Variants in ZHX2 observed in about 807,000 individuals in gnomAD.
ZHX2 encodes the protein zinc fingers and homeoboxes 2.
A neutral mutation model predicts 21.9 loss-of-function variants in ZHX2; 6 were observed. That is an observed-to-expected ratio of 0.27 (90% CI 0.15 to 0.54). ZHX2 has a LOEUF of 0.54. Among genes scored for constraint, ZHX2 ranks in the 20% least tolerant of loss-of-function variants. ZHX2 has a pLI of 0.95. For missense variants in ZHX2, 908 were observed against 1,090.7 expected (o/e 0.83, Z 2.36); for synonymous variants, 434 against 437.1 (o/e 0.99, Z 0.09).
intron 2 of ZHX2, among the ~76,000 whole-genome samples, chr8:122,934,411 G>A (rs939905711): frequency 3.9e-5 from 6 of 152,264 alleles, no homozygotes; most frequent in African/African-American, 7.2e-5. Flanking sequence ...GGCCACAAAC[G>A]CCTTGTAACA....
intron 2 of ZHX2, among the ~76,000 whole-genome samples, chr8:122,895,676 G>A (rs1820081959): frequency 6.6e-6 from 1 of 151,780 alleles, no homozygotes; most frequent in Non-Finnish European, 1.5e-5. Context: ...GGACAACAAG[G>A]TAGATGTCAT....
chr8:122,876,717 C>T (rs936028615), intron 2 of ZHX2, among the ~76,000 whole-genome samples: 1 of 152,214 alleles, frequency 6.6e-6, no homozygotes. Context: ...TTCACCCCTG[C>T]TCGCCTGAGG....
Position 122,881,845 on chromosome 8 carries a change from G to A in ZHX2, c.-220+18306G>A, listed in dbSNP as rs568263925. Among the ~76,000 whole-genome samples the A allele has an allele frequency of 3.3e-5, 5 of 152,196 alleles. No individual in the cohort carries two copies. The East Asian group carries it at 7.7e-4, about 24-fold the overall frequency. On this transcript the variant is annotated intron_variant, in intron 2 of 3. Transcript: ENST00000314393. ...TTCCATCCCTAAATCAAGCCACTGC[G>A]CGACTCTCACTATCCAAAAGTACCT...
rs113444944 is a variant in ZHX2, at chr8:122,952,573, A to G, written c.1063A>G (p.Thr355Ala). The G allele has an allele frequency of 1.1e-4, 185 of 1,614,040 alleles. 1 individual carries two copies. The African/African-American group carries it at 1.9e-3, about 17-fold the overall frequency. Residue 355 changes from threonine to alanine, a missense_variant, in exon 3 of 4, where the codon ACA (threonine) becomes GCA (alanine). Physicochemically the swap from Thr to Ala is moderately conservative, Grantham distance 58. Coordinates refer to ENST00000314393, the MANE Select transcript of ZHX2 (RefSeq NM_014943.5). This position sits in a 1 kb window ranked among gnomAD's most constrained non-coding sequence, Gnocchi z 6.9. ...ITVLPAQLAP[T>A]KVTQPILQTA... ...TGTGCTGCCCGCCCAGTTGGCCCCC[A>G]CAAAGGTGACGCAGCCCATCCTCCA...
At chr8:122,945,800 A>G (rs1812961653) in intron 2 of ZHX2, among the ~76,000 whole-genome samples, 1 of 152,214 alleles carries the variant, frequency 6.6e-6, no homozygotes, top group Admixed American at 6.5e-5. Flanking sequence ...TCCTGAGGGC[A>G]GGGATGTTTC....
At chr8:122,887,926 C>T (rs1391588605) in intron 2 of ZHX2, among the ~76,000 whole-genome samples, 1 of 152,168 alleles carries the variant, frequency 6.6e-6, no homozygotes, top group Non-Finnish European at 1.5e-5. Flanking sequence ...CAGCATGACC[C>T]AGGCTGACCA....
chr8:122,851,943 AGGACAGCG>A (rs1403629446), intron 1 of ZHX2, among the ~76,000 whole-genome samples: 1 of 152,258 alleles, frequency 6.6e-6, no homozygotes, highest in African/African-American at 2.4e-5. Flanking sequence ...AAGTACCAGA[AGGACAGCG>A]GCCGTGCTTG....
chr8:122,815,251 C>G (rs909087023), intron 1 of ZHX2, among the ~76,000 whole-genome samples: 1 of 152,200 alleles, frequency 6.6e-6, no homozygotes, highest in Admixed American at 6.5e-5. Context: ...ACAATAGGCA[C>G]AGTGCCTAGA....
intron 2 of ZHX2, among the ~76,000 whole-genome samples, chr8:122,888,951 A>T (rs1186499704): frequency 6.6e-6 from 1 of 152,164 alleles, no homozygotes; most frequent in Non-Finnish European, 1.5e-5. Flanking sequence ...CTTGTATGAG[A>T]TGAACTTTAT....
intron 2 of ZHX2, among the ~76,000 whole-genome samples, chr8:122,900,595 G>A (rs1820205010): frequency 6.6e-6 from 1 of 152,118 alleles, no homozygotes; most frequent in Non-Finnish European, 1.5e-5. Flanking sequence ...CCTCACACGT[G>A]GGTTCTGATA....
chr8:122,937,700 C>A (rs1416663234), intron 2 of ZHX2, among the ~76,000 whole-genome samples: 1 of 151,662 alleles, frequency 6.6e-6, no homozygotes, highest in Admixed American at 6.6e-5. Context: ...CCGCCTCAGC[C>A]TCCTGAGTAG....
At chr8:122,927,575 C>T (rs1367655949) in intron 2 of ZHX2, among the ~76,000 whole-genome samples, 1 of 152,102 alleles carries the variant, frequency 6.6e-6, no homozygotes, top group Admixed American at 6.5e-5. Context: ...CTGGGGAGAC[C>T]TCACAATCAT....
intron 1 of ZHX2, among the ~76,000 whole-genome samples, chr8:122,797,555 T>C (rs188877403): frequency 1.3e-5 from 2 of 152,290 alleles, no homozygotes; most frequent in Admixed American, 1.3e-4. Context: ...TGAACAGGAT[T>C]CCTGAATCCA....
intron 3 of ZHX2, among the ~76,000 whole-genome samples, chr8:122,964,678 TCCTTTTTTATCTTTTGCAA>T (rs1813534790): frequency 6.6e-6 from 1 of 151,532 alleles, no homozygotes; most frequent in African/African-American, 2.4e-5. Context: ...TAGGGAGGAT[TCCTTTTTTATCTTTTGCAA>T]TAGTTTCAGT....
chr8:122,823,728 A>G (rs181363712), intron 1 of ZHX2, among the ~76,000 whole-genome samples: 1 of 152,196 alleles, frequency 6.6e-6, no homozygotes, highest in Admixed American at 6.5e-5. Flanking sequence ...TGCATATTAG[A>G]TCTCTGCTCA....
chr8:122,920,704 C>T (rs573916295), intron 2 of ZHX2, among the ~76,000 whole-genome samples: 4 of 152,276 alleles, frequency 2.6e-5, no homozygotes, highest in South Asian at 2.1e-4. Flanking sequence ...ACCTGCCACC[C>T]GGCAGGCCAC....
At chr8:122,794,446 G>C (rs1050581033) in intron 1 of ZHX2, among the ~76,000 whole-genome samples, 1 of 152,030 alleles carries the variant, frequency 6.6e-6, no homozygotes, top group Non-Finnish European at 1.5e-5. Context: ...GCTTTCCTAG[G>C]GGTCAGAAAC....
chr8:122,967,528 C>A (rs988194337), intron 3 of ZHX2, among the ~76,000 whole-genome samples: 1 of 152,212 alleles, frequency 6.6e-6, no homozygotes, highest in African/African-American at 2.4e-5. Context: ...GTCTTGGATA[C>A]CAGCACCTGC....
At chr8:122,935,136 CT>C (rs1263170766) in intron 2 of ZHX2, among the ~76,000 whole-genome samples, 1 of 151,458 alleles carries the variant, frequency 6.6e-6, no homozygotes, top group Admixed American at 6.6e-5. Flanking sequence ...TCACAGATGA[CT>C]TTTTTTCCTC....
Sources: allele counts gnomAD v4.1 joint callset (sites outside exome capture counted in the v4.1 genomes callset), GRCh38; gene constraint gnomAD v4.1.1; non-coding constraint Gnocchi (gnomAD v3.1); transcripts MANE v1.5; gene names NCBI Gene and HGNC (gene_info 2026-07-23, HGNC 2026-07-21).